YTHDF3: variants seen among roughly 807,000 people sequenced by gnomAD.
The protein encoded by YTHDF3 is YTH domain-containing family protein 3.
A neutral mutation model predicts 52.5 loss-of-function variants in YTHDF3; 9 were observed. The observed-to-expected ratio is 0.17, with a 90% CI of 0.10 to 0.30. The LOEUF (loss-of-function observed/expected upper bound fraction) is 0.30. Ranked by LOEUF, YTHDF3 falls within the 10% of genes least tolerant of loss-of-function variation. The probability of loss-of-function intolerance (pLI) is 1.00; values close to 1 mark genes in which losing one functional copy is unlikely to be tolerated. For missense variants in YTHDF3, 534 were observed against 715.0 expected (o/e 0.75, Z 2.89); for synonymous variants, 274 against 243.3 (o/e 1.13, Z -1.18).
chr8:63,180,549 G>C (rs1264875626), intron 3 of YTHDF3, among the ~76,000 whole-genome samples: 1 of 152,112 alleles, frequency 6.6e-6, no homozygotes, highest in East Asian at 1.9e-4. Context: ...GGGCAGAGAC[G>C]CTCCTCACTT....
chr8:63,206,666 C>T (rs1398326731), intron 4 of YTHDF3, among the ~76,000 whole-genome samples: 2 of 152,078 alleles, frequency 1.3e-5, no homozygotes, highest in African/African-American at 4.8e-5. Context: ...TTAACATTTT[C>T]ATTTACTAAT....
In YTHDF3 at chr8:63,194,439, C is replaced by T. The variant is rs377597398; in HGVS notation, c.1734+6694C>T. Among the ~76,000 whole-genome samples, 119 of 152,086 alleles carry T rather than the reference C, an allele frequency of 7.8e-4. No homozygotes were observed. The South Asian group carries it at 0.023, about 30-fold the overall frequency. On this transcript the variant is annotated intron_variant, in intron 4 of 4. Coordinates refer to ENST00000539294, the MANE Select transcript of YTHDF3 (RefSeq NM_152758.6). ...GGCAGAGGTTGCAGTGAGGCGAGTT[C>T]GTGCTATTGCACTCCAGCTTGGGCA...
At chr8:63,175,298 AC>A (rs1807613517) in intron 2 of YTHDF3, 32 bp from the exon 3 acceptor site, 1 of 1,507,058 alleles carries the variant, frequency 6.6e-7, no homozygotes, top group Non-Finnish European at 9.1e-7. Context: ...CATAAAGATA[AC>A]TACAACACTT....
Position 63,186,259 on chromosome 8 carries a change from C to A in YTHDF3, c.248C>A (p.Pro83His). ...GCGTGGTCCACAGCTGGAGACCAGC[C>A]TATGCCATATCTGACAACCTATGGA... ...EAAWSTAGDQ[P>H]MPYLTTYGQM... is the part of the protein sequence containing the mutation. The change falls in exon 4 of 5, where the codon CCT becomes CAT. Residue 83 changes from proline (P) to histidine (H), a missense_variant. Transcript: ENST00000539294. 1 of 1,613,958 alleles carries A rather than the reference C, an allele frequency of 6.2e-7. No homozygotes were observed. Among genetic ancestry groups the A allele is most frequent in the Non-Finnish European group, 8.5e-7 (1 of 1,179,898 alleles).
chr8:63,193,920 T>G (rs1254109440), intron 4 of YTHDF3, among the ~76,000 whole-genome samples: 1 of 152,204 alleles, frequency 6.6e-6, no homozygotes, highest in Non-Finnish European at 1.5e-5. Flanking sequence ...GTTTTGTATT[T>G]TCCTGTAAAG....
In YTHDF3 at chr8:63,210,005, T is replaced by C; in HGVS notation, c.*299T>C. 2 of 292,804 alleles carry C rather than the reference T, an allele frequency of 6.8e-6. No individual in the cohort carries two copies. The highest frequency in any genetic ancestry group is 1.2e-4 in the East Asian group (2 of 16,398). 18.1% of individuals were successfully genotyped at this position (292,804 alleles called of 1,614,324 possible). A position where few individuals can be genotyped will look rare whatever the true frequency, so the allele number is the denominator to read the frequency against. On this transcript the variant is annotated 3_prime_UTR_variant, in exon 5 of 5. Coordinates refer to ENST00000539294, the MANE Select transcript of YTHDF3 (RefSeq NM_152758.6). ...GCTAAGGCACAGAAGACTGAATGAA[T>C]GCAAGGATTCATTAACTCTTTGAAT...
At chr8:63,183,792 C>T (rs1054649216) in intron 3 of YTHDF3, among the ~76,000 whole-genome samples, 1 of 152,168 alleles carries the variant, frequency 6.6e-6, no homozygotes, top group Admixed American at 6.5e-5. Flanking sequence ...CGGATTCAGT[C>T]AGTTGTGGAT....
intron 3 of YTHDF3, among the ~76,000 whole-genome samples, chr8:63,179,026 G>A (rs935762319): frequency 2.0e-5 from 3 of 152,114 alleles, no homozygotes; most frequent in Non-Finnish European, 4.4e-5. Flanking sequence ...ATGGAAAAGT[G>A]TTTAACAAGT....
At chr8:63,198,492 C>G (rs1809382028) in intron 4 of YTHDF3, among the ~76,000 whole-genome samples, 2 of 152,342 alleles carry the variant, frequency 1.3e-5, no homozygotes, top group South Asian at 2.1e-4. Flanking sequence ...GTCTCAAACT[C>G]CTGACCTCAG....
chr8:63,200,162 A>AAGCGTTGTTGGACT, intron 4 of YTHDF3, among the ~76,000 whole-genome samples: 1 of 152,234 alleles, frequency 6.6e-6, no homozygotes, highest in Non-Finnish European at 1.5e-5. Flanking sequence ...TCAGTTTCTC[A>AAGCGTTGTTGGACT]AGCGTTGTTG....
In YTHDF3 at chr8:63,187,121, G is replaced by A. The variant is rs748910829; in HGVS notation, c.1110G>A (p.Ala370=). ...RGAGFNQNNG[A]GSENFGLGVV... ...CAGGCTTCAACCAGAACAATGGAGC[G>A]GGCAGTGAAAACTTTGGTTTAGGTG... The change falls in exon 4 of 5, where the codon GCG becomes GCA. Residue 370 remains alanine, a synonymous_variant. Coordinates refer to ENST00000539294, the MANE Select transcript of YTHDF3 (RefSeq NM_152758.6). The A allele has an allele frequency of 1.1e-5, 17 of 1,613,718 alleles. No homozygotes were observed. Among genetic ancestry groups the A allele is most frequent in the African/African-American group, 4.0e-5 (3 of 74,908 alleles).
Position 63,187,851 on chromosome 8 carries a change from TAAG to T in YTHDF3, c.1734+109_1734+111del, listed in dbSNP as rs779108088. ...CTTTCTGTGAAGGAAACCAACTACT[TAAG>T]AAACAACTCTACAAACACCCTTGAA... On this transcript the variant is annotated intron_variant, in intron 4 of 4. Coordinates refer to ENST00000539294, the MANE Select transcript of YTHDF3 (RefSeq NM_152758.6). 1,382 of 1,252,262 alleles carry T rather than the reference TAAG, an allele frequency of 1.1e-3. 2 individuals are homozygous for T. The highest frequency in any genetic ancestry group is 1.4e-3 in the Non-Finnish European group (1,269 of 926,844). The allele number at this position is 1,252,262 out of a possible 1,614,324, so 77.6% of individuals were successfully genotyped here. A position where few individuals can be genotyped will look rare whatever the true frequency, so the allele number is the denominator to read the frequency against.
At chr8:63,208,872 T>C (rs1271603733) in intron 4 of YTHDF3, among the ~76,000 whole-genome samples, 2 of 152,130 alleles carry the variant, frequency 1.3e-5, no homozygotes, top group African/African-American at 4.8e-5. Flanking sequence ...TTGTTGTTGT[T>C]GTTGTTGTTG....
chr8:63,171,769 G>A (rs1245791045), intron 2 of YTHDF3, among the ~76,000 whole-genome samples: 1 of 152,134 alleles, frequency 6.6e-6, no homozygotes, highest in Non-Finnish European at 1.5e-5. Flanking sequence ...TCTGAACTTA[G>A]CAAGCTTATG....
At chr8:63,203,918 C>T (rs1051966436) in intron 4 of YTHDF3, among the ~76,000 whole-genome samples, 1 of 152,118 alleles carries the variant, frequency 6.6e-6, no homozygotes, top group African/African-American at 2.4e-5. Flanking sequence ...CATCTTATAT[C>T]TTATTACTAG....
In YTHDF3 at chr8:63,201,204, G is replaced by T. The variant is rs562289284; in HGVS notation, c.1735-8479G>T. Among the ~76,000 whole-genome samples the T allele has an allele frequency of 3.3e-5, 5 of 152,142 alleles. No homozygotes were observed. The East Asian group carries it at 9.6e-4, about 29-fold the overall frequency. ...CAAACAAGGATTGCAAAAAGTAAGA[G>T]AAATATCTAAGCCATTGCATGTGTT... On this transcript the variant is annotated intron_variant, in intron 4 of 4. Transcript: ENST00000539294.
chr8:63,180,929 G>T (rs578044168), intron 3 of YTHDF3, among the ~76,000 whole-genome samples: 1 of 152,232 alleles, frequency 6.6e-6, no homozygotes, highest in Admixed American at 6.5e-5. Context: ...CAGCAGTACC[G>T]TCCAGCTTCG....
chr8:63,206,263 G>T (rs150804181), intron 4 of YTHDF3, among the ~76,000 whole-genome samples: 1 of 151,854 alleles, frequency 6.6e-6, no homozygotes, highest in Non-Finnish European at 1.5e-5. Context: ...AGTAGAGACG[G>T]GGTTTGTCAG....
chr8:63,175,916 C>T (rs75298938), intron 3 of YTHDF3, among the ~76,000 whole-genome samples: 3 of 152,114 alleles, frequency 2.0e-5, no homozygotes, highest in Admixed American at 6.5e-5. Flanking sequence ...TTGGTAATGT[C>T]GGTGATAGAA....
Sources: gnomAD v4.1 joint callset for allele counts (sites outside exome capture counted in the v4.1 genomes callset) on GRCh38, gnomAD v4.1.1 for gene constraint, MANE v1.5 for transcripts, NCBI Gene and HGNC (gene_info 2026-07-23, HGNC 2026-07-21) for gene names.